MEI4: variants seen among roughly 807,000 people sequenced by gnomAD.
MEI4 encodes meiotic double-stranded break formation protein 4.
MEI4 carries 27 observed loss-of-function variants against 31.4 expected under a neutral mutation model. That is an observed-to-expected ratio of 0.86 (90% CI 0.63 to 1.19). The LOEUF (loss-of-function observed/expected upper bound fraction) is 1.19, where lower values mean the gene tolerates loss of function less well. MEI4 is among the 50% of genes most tolerant of loss of function. The pLI, the probability that MEI4 is intolerant of heterozygous loss-of-function variation, is 0.00. For missense variants in MEI4, 329 were observed against 398.9 expected (o/e 0.82, Z 1.49); for synonymous variants, 122 against 145.4 (o/e 0.84, Z 1.16).
chr6:77,652,411 G>A (rs1768316363), upstream of MEI4, among the ~76,000 whole-genome samples: 1 of 152,146 alleles, frequency 6.6e-6, no homozygotes, highest in Admixed American at 6.5e-5. Context: ...CAGTTATGAT[G>A]TCATTTGCGA....
chr6:77,913,461 A>T (rs1197212136), intron 4 of MEI4, among the ~76,000 whole-genome samples: 3 of 152,076 alleles, frequency 2.0e-5, no homozygotes, highest in Non-Finnish European at 4.4e-5. Flanking sequence ...ATACAATTTC[A>T]TTACTTGTGA....
At chr6:77,704,288 G>A (rs1381782846) in intron 2 of MEI4, among the ~76,000 whole-genome samples, 3 of 152,016 alleles carry the variant, frequency 2.0e-5, no homozygotes, top group African/African-American at 7.2e-5. Context: ...TCTGTGTCCT[G>A]GCCCCATTGT....
At chr6:77,736,309 C>T (rs9352522) in intron 2 of MEI4, among the ~76,000 whole-genome samples, 24,546 of 151,898 alleles carry the variant, frequency 0.16, 2,093 homozygotes, top group Middle Eastern at 0.22. Flanking sequence ...TATTACCCTC[C>T]GAGCCATGTG....
chr6:77,715,720 C>T (rs566729787), intron 2 of MEI4, among the ~76,000 whole-genome samples: 8 of 152,278 alleles, frequency 5.3e-5, no homozygotes, highest in South Asian at 2.1e-4. Flanking sequence ...TATGGAATCA[C>T]GTATGTCTCC....
intron 2 of MEI4, among the ~76,000 whole-genome samples, chr6:77,739,698 C>T (rs910958790): frequency 3.0e-4 from 45 of 151,714 alleles, no homozygotes; most frequent in Admixed American, 1.3e-4. Context: ...CAAACCTGCA[C>T]GTTCTGCACA....
At chr6:77,803,379 T>C (rs1422124445) in intron 3 of MEI4, among the ~76,000 whole-genome samples, 1 of 152,202 alleles carries the variant, frequency 6.6e-6, no homozygotes, top group Non-Finnish European at 1.5e-5. Flanking sequence ...TGGTCTAATT[T>C]TTTTTCAAGA....
At chr6:77,664,623 G>C (rs1344220116) in intron 1 of MEI4, among the ~76,000 whole-genome samples, 1 of 152,032 alleles carries the variant, frequency 6.6e-6, no homozygotes, top group Non-Finnish European at 1.5e-5. Context: ...GGTCAGATGG[G>C]TCTGTAGAAA....
At chr6:77,896,941 A>G (rs1766094595) in intron 4 of MEI4, among the ~76,000 whole-genome samples, 1 of 152,020 alleles carries the variant, frequency 6.6e-6, no homozygotes, top group Non-Finnish European at 1.5e-5. Flanking sequence ...TAAAAATATG[A>G]CAGTAACGAT....
chr6:77,730,523 C>T (rs760753694), intron 2 of MEI4, among the ~76,000 whole-genome samples: 11 of 152,080 alleles, frequency 7.2e-5, no homozygotes, highest in Non-Finnish European at 1.3e-4. Flanking sequence ...CAGTTTTTCC[C>T]TACTAACTCT....
chr6:77,899,256 T>C (rs2127734610), intron 4 of MEI4, among the ~76,000 whole-genome samples: 1 of 152,170 alleles, frequency 6.6e-6, no homozygotes, highest in Admixed American at 6.6e-5. Flanking sequence ...CTCAATAATG[T>C]AAATATTTAA....
chr6:77,791,196 A>T (rs1339560162), intron 3 of MEI4, among the ~76,000 whole-genome samples: 3 of 152,154 alleles, frequency 2.0e-5, no homozygotes, highest in Non-Finnish European at 4.4e-5. Flanking sequence ...ATACCCAAAG[A>T]TTATAAATCA....
chr6:77,750,515 G>C lies in MEI4; in HGVS notation c.233-10615G>C, dbSNP rs916908939. Among the ~76,000 whole-genome samples, 8 of 152,204 alleles carry C rather than the reference G, an allele frequency of 5.3e-5. No homozygotes were observed. The East Asian group carries it at 1.5e-3, about 29-fold the overall frequency. On this transcript the variant is annotated intron_variant, in intron 2 of 4. Coordinates refer to ENST00000684080, the MANE Select transcript of MEI4 (RefSeq NM_001322247.2). The stretch of plus-strand genomic sequence containing the variant: ...CTTTAAACCAACAAAGATCAAAAGA[G>C]ACAAAGAAGGCCATTACATAATGGT...
At chr6:77,770,352 G>C (rs907606084) in intron 3 of MEI4, among the ~76,000 whole-genome samples, 16 of 152,034 alleles carry the variant, frequency 1.1e-4, no homozygotes, top group South Asian at 4.1e-4. Flanking sequence ...GAGAAACATT[G>C]CTCAAACAAA....
chr6:77,796,379 GA>G (rs1302948402), intron 3 of MEI4, among the ~76,000 whole-genome samples: 1 of 151,962 alleles, frequency 6.6e-6, no homozygotes, highest in East Asian at 1.9e-4. Context: ...AATTAGGCAA[GA>G]AAAAGAAATA....
At chr6:77,670,201 G>T (rs1312731313) in intron 1 of MEI4, among the ~76,000 whole-genome samples, 1 of 151,750 alleles carries the variant, frequency 6.6e-6, no homozygotes, top group African/African-American at 2.4e-5. Flanking sequence ...GAGAAATATT[G>T]AACATCTCTC....
intron 4 of MEI4, among the ~76,000 whole-genome samples, chr6:77,835,408 A>ACACACACAC (rs1364679268): frequency 8.5e-6 from 1 of 117,906 alleles, no homozygotes; most frequent in East Asian, 2.3e-4. Context: ...ACACACAAAT[A>ACACACACAC]AAAAAAAAAA....
At chr6:77,742,361 C>G (rs1285212552) in intron 2 of MEI4, among the ~76,000 whole-genome samples, 1 of 152,006 alleles carries the variant, frequency 6.6e-6, no homozygotes, top group Non-Finnish European at 1.5e-5. Flanking sequence ...TTGCATTTCT[C>G]TGATGGCCAG....
intron 2 of MEI4, among the ~76,000 whole-genome samples, chr6:77,731,782 A>C (rs909566496): frequency 2.0e-5 from 3 of 151,950 alleles, no homozygotes; most frequent in African/African-American, 7.3e-5. Flanking sequence ...TAAGTCTTTA[A>C]ACCATCTTGA....
At chr6:77,747,389 C>CTG (rs1767640904) in intron 2 of MEI4, among the ~76,000 whole-genome samples, 1 of 152,172 alleles carries the variant, frequency 6.6e-6, no homozygotes, top group Non-Finnish European at 1.5e-5. Context: ...TTAATTGACT[C>CTG]ACAGTTCCAA....
Sources: allele counts gnomAD v4.1 joint callset (sites outside exome capture counted in the v4.1 genomes callset), GRCh38; gene constraint gnomAD v4.1.1; transcripts MANE v1.5; gene names NCBI Gene and HGNC (gene_info 2026-07-23, HGNC 2026-07-21).